The following TRIM40 variants were observed in gnomAD, a reference collection of about 807,000 sequenced individuals.
TRIM40 encodes tripartite motif containing 40, also known as E3 ubiquitin ligase TRIM40.
In TRIM40, 27 loss-of-function variants were observed where a neutral mutation model predicts 26.1. That is an observed-to-expected ratio of 1.04 (90% CI 0.76 to 1.43). The LOEUF is 1.43. Ranked by LOEUF, TRIM40 falls within the 40% of genes most tolerant of loss-of-function variation. The pLI, the probability that TRIM40 is intolerant of heterozygous loss-of-function variation, is 0.00. For missense variants in TRIM40, 289 were observed against 307.9 expected, an observed-to-expected ratio of 0.94 and a Z score of 0.46; for synonymous variants, 114 against 120.0, an observed-to-expected ratio of 0.95 and a Z score of 0.33.
rs757262 is a variant in TRIM40 at position 30,147,178 on chromosome 6, C to T, written c.635C>T (p.Thr212Met). Residue 212 changes from threonine (T) to methionine (M), a missense_variant, in exon 4 of 6, where the codon ACG becomes ATG. By Grantham distance (81) the Thr-to-Met change is moderately conservative. Coordinates refer to ENST00000396581, the MANE Select transcript of TRIM40 (RefSeq NM_001286633.2). ...LRSLVIDLER[T>M]AKELDTNTLK... is the part of the protein sequence containing the mutation. ...AGCCTGGTCATTGATCTGGAAAGGA[C>T]GGCCAAGGAATTAGACACCAACACA... 0.22 allele frequency: 351,845 copies of T among 1,614,020 alleles called. 40,801 individuals are homozygous for T. The highest frequency in any genetic ancestry group is 0.23 in the Non-Finnish European group (276,240 of 1,179,932).
chr6:30,139,020 G>A (rs755487860), intron 2 of TRIM40, among the ~76,000 whole-genome samples: 2 of 152,196 alleles, frequency 1.3e-5, no homozygotes, highest in African/African-American at 2.4e-5. Context: ...GCATAAGATG[G>A]AGAAATTTAT....
chr6:30,140,253 A>C (rs1265410685), intron 2 of TRIM40, among the ~76,000 whole-genome samples: 1 of 152,204 alleles, frequency 6.6e-6, no homozygotes, highest in African/African-American at 2.4e-5. Context: ...TCATTCTACT[A>C]TAAAGACACA....
rs372880101 is a variant in TRIM40, at chr6:30,142,911, C to T, written c.346-3083C>T. Among the ~76,000 whole-genome samples, 1,158 of 151,992 alleles carry T rather than the reference C, an allele frequency of 7.6e-3. 51 individuals carry two copies. The South Asian group carries it at 0.12, about 16-fold the overall frequency. ...TCTTTCTGTTATATAGTTTTGACAACATGTTACTTTATGGTTTATTTTTAA... is the reference window on the plus strand; with the variant it reads ...TCTTTCTGTTATATAGTTTTGACAATATGTTACTTTATGGTTTATTTTTAA... On this transcript the variant is annotated intron_variant, in intron 2 of 5. Coordinates refer to ENST00000396581, the MANE Select transcript of TRIM40 (RefSeq NM_001286633.2).
chr6:30,147,890 C>A lies in TRIM40; in HGVS notation c.*78C>A, dbSNP rs1258251081. The stretch of plus-strand genomic sequence containing the variant: ...TCCTTCCTCCAACCTGTCCAGGCCC[C>A]CACTGGGTCTACCCAGTGCATCTTC... On this transcript the variant is annotated 3_prime_UTR_variant, in exon 6 of 6. Coordinates refer to ENST00000396581, the MANE Select transcript of TRIM40 (RefSeq NM_001286633.2). The A allele has an allele frequency of 2.3e-6, 3 of 1,277,730 alleles. No individual in the cohort carries two copies. The highest frequency in any genetic ancestry group is 1.5e-5 in the African/African-American group (1 of 68,380). 79.1% of individuals were successfully genotyped at this position (1,277,730 alleles called of 1,614,324 possible).
chr6:30,137,378 C>T lies in TRIM40; in HGVS notation c.342C>T (p.Tyr114=), dbSNP rs751733426. The change falls in exon 2 of 6, where the codon TAC becomes TAT. Residue 114 remains tyrosine (Y), a synonymous_variant. Transcript: ENST00000396581. Reference sequence around the variant, plus strand: ...CCATTGAAAATGCCCTCAGCCACTACAAGGTAAGCCTGGGTCACCGCAGCC... The same window carrying T: ...CCATTGAAAATGCCCTCAGCCACTATAAGGTAAGCCTGGGTCACCGCAGCC... The part of the protein sequence containing the change: ...ELTIENALSH[Y]KERLNRRSRK... 4 of 1,610,030 alleles carry T rather than the reference C, an allele frequency of 2.5e-6. No individual in the cohort carries two copies. The highest frequency in any genetic ancestry group is 1.7e-5 in the Admixed American group (1 of 59,912).
intron 2 of TRIM40, among the ~76,000 whole-genome samples, chr6:30,139,782 G>C (rs1771239225): frequency 6.6e-6 from 1 of 152,150 alleles, no homozygotes. Context: ...GCATACAGAT[G>C]CCCACACCTG....
In TRIM40 at chr6:30,137,108, C is replaced by T. The variant is rs1423135267; in HGVS notation, c.72C>T (p.Ala24=). 2.0e-5 allele frequency: 32 copies of T among 1,612,898 alleles called. No individual in the cohort carries two copies. Among genetic ancestry groups the T allele is most frequent in the African/African-American group, 1.1e-4 (8 of 74,916 alleles). The change falls in exon 2 of 6, where the codon GCC becomes GCT. Residue 24 remains alanine (A), a synonymous_variant. Coordinates refer to ENST00000396581, the MANE Select transcript of TRIM40 (RefSeq NM_001286633.2). The stretch of plus-strand genomic sequence containing the variant: ...TCTGCCAGGAGAGCCTGAAGGAGGC[C>T]GTGAGCACCAACTGCGGACATCTCT... ...CPICQESLKE[A]VSTNCGHLFC...
chr6:30,142,898 A>G (rs906278030), intron 2 of TRIM40, among the ~76,000 whole-genome samples: 3 of 151,896 alleles, frequency 2.0e-5, no homozygotes, highest in African/African-American at 7.3e-5. Flanking sequence ...TTTCTGTTAT[A>G]TAGTTTTGAC....
At chr6:30,141,642 C>T (rs1335002132) in intron 2 of TRIM40, among the ~76,000 whole-genome samples, 1 of 152,174 alleles carries the variant, frequency 6.6e-6, no homozygotes, top group Non-Finnish European at 1.5e-5. Context: ...ACACTTCTTC[C>T]ATAGTAATAA....
Position 30,137,239 on chromosome 6 carries a change from G to A in TRIM40, c.203G>A (p.Gly68Asp). The A allele has an allele frequency of 6.2e-7, 1 of 1,613,078 alleles. No homozygotes were observed. ...TGTTCTGAGGAGGTGCTAGGGACAG[G>A]CTATATCTGCCCCAACCACCAGAAG... ...KPCSEEVLGTGYICPNHQKRV... is the reference protein window; with the variant it reads ...KPCSEEVLGTDYICPNHQKRV... Residue 68 changes from glycine to aspartate, a missense_variant, in exon 2 of 6, where the codon GGC (glycine) becomes GAC (aspartate). Coordinates refer to ENST00000396581, the MANE Select transcript of TRIM40 (RefSeq NM_001286633.2).
At chr6:30,140,521 G>C (rs1166038932) in intron 2 of TRIM40, among the ~76,000 whole-genome samples, 2 of 152,054 alleles carry the variant, frequency 1.3e-5, no homozygotes, top group African/African-American at 4.8e-5. Context: ...GTTGAACAAT[G>C]AGAACACGTG....
chr6:30,138,656 G>T (rs1771157737), intron 2 of TRIM40, among the ~76,000 whole-genome samples: 1 of 152,120 alleles, frequency 6.6e-6, no homozygotes, highest in Non-Finnish European at 1.5e-5. Flanking sequence ...GCAGATATTT[G>T]TATATCTTTA....
chr6:30,140,260 C>T (rs1771266158), intron 2 of TRIM40, among the ~76,000 whole-genome samples: 1 of 152,174 alleles, frequency 6.6e-6, no homozygotes, highest in South Asian at 2.1e-4. Flanking sequence ...ACTATAAAGA[C>T]ACATGCACAC....
At chr6:30,139,789 C>T (rs977849440) in intron 2 of TRIM40, among the ~76,000 whole-genome samples, 9 of 152,230 alleles carry the variant, frequency 5.9e-5, no homozygotes, top group South Asian at 2.1e-4. Flanking sequence ...GATGCCCACA[C>T]CTGAGAAGTC....
Position 30,136,965 on chromosome 6 carries a change from C to A in TRIM40, c.-72C>A. 1 of 1,492,976 alleles carries A rather than the reference C, an allele frequency of 6.7e-7. No homozygotes were observed. Among genetic ancestry groups the A allele is most frequent in the Non-Finnish European group, 9.1e-7 (1 of 1,096,916 alleles). The allele number at this position is 1,492,976 out of a possible 1,614,324, so 92.5% of individuals were successfully genotyped here. On this transcript the variant is annotated 5_prime_UTR_variant, in exon 2 of 6. Transcript: ENST00000396581. ...CCTTCTTATCTGGGACTGTTGAGGG[C>A]AACAGGCCTTCCGAAGACCAGTGAA...
rs767414009 is a variant in TRIM40, at chr6:30,147,021, G to A, written c.478G>A (p.Gly160Arg). 1.2e-6 allele frequency: 2 copies of A among 1,609,836 alleles called. No individual in the cohort carries two copies. The highest frequency in any genetic ancestry group is 1.7e-6 in the Non-Finnish European group (2 of 1,178,460). The change falls in exon 4 of 6, where the codon GGG becomes AGG. Residue 160 changes from glycine to arginine, a missense_variant. By Grantham distance (125) the Gly-to-Arg change is moderately radical. Transcript: ENST00000396581. The stretch of plus-strand genomic sequence containing the variant: ...CCACGGGAACCACAGGCTGGAGGCT[G>A]GGCCGGAGAGCCAGCACCAAACCAG... The part of the protein sequence containing the change: ...VDHGNHRLEA[G>R]PESQHQTREQ...
chr6:30,145,204 T>TA (rs9280909), intron 2 of TRIM40, among the ~76,000 whole-genome samples: 9,262 of 148,568 alleles, frequency 0.062, 463 homozygotes, highest in Non-Finnish European at 0.11. Context: ...CAAAAAAGAT[T>TA]AAAAAAAAAA....
Position 30,136,839 on chromosome 6 carries a change from G to A in TRIM40, c.-198G>A. The A allele has an allele frequency of 1.7e-6, 1 of 597,362 alleles. No individual in the cohort carries two copies. Among genetic ancestry groups the A allele is most frequent in the Non-Finnish European group, 3.0e-6 (1 of 337,038 alleles). The allele number at this position is 597,362 out of a possible 1,614,324, so 37.0% of individuals were successfully genotyped here. A position where few individuals can be genotyped will look rare whatever the true frequency, so the allele number is the denominator to read the frequency against. On this transcript the variant is annotated 5_prime_UTR_variant, in exon 2 of 6. Coordinates refer to ENST00000396581, the MANE Select transcript of TRIM40 (RefSeq NM_001286633.2). ...CTCGTGCAGAATTGTGGTTTGTGTG[G>A]TCTATGTCACGGCACCCTTGAGGGA...
At position 30,136,859 on chromosome 6, in the gene TRIM40, G is replaced by A; in HGVS notation, c.-178G>A. 1.6e-6 allele frequency: 1 copy of A among 617,708 alleles called. No individual in the cohort carries two copies. The highest frequency in any genetic ancestry group is 2.8e-6 in the Non-Finnish European group (1 of 353,698). 38.3% of individuals were successfully genotyped at this position (617,708 alleles called of 1,614,324 possible). The stretch of plus-strand genomic sequence containing the variant: ...GTGTGGTCTATGTCACGGCACCCTT[G>A]AGGGAGAGTGGGCAATTGCCTGAAC... On this transcript the variant is annotated 5_prime_UTR_variant, in exon 2 of 6. The change abolishes the stop of an existing upstream ORF in the 5' untranslated region. Transcript: ENST00000396581.
Sources: gnomAD v4.1 joint callset for allele counts (sites outside exome capture counted in the v4.1 genomes callset) on GRCh38, gnomAD v4.1.1 for gene constraint, MANE v1.5 for transcripts, NCBI Gene and HGNC (gene_info 2026-07-23, HGNC 2026-07-21) for gene names.